ANKFN1: variants seen among roughly 807,000 people sequenced by gnomAD.
ANKFN1 encodes ankyrin repeat and fibronectin type III domain containing 1.
ANKFN1 carries 74 observed loss-of-function variants against 108.7 expected under a neutral mutation model. The ratio of observed to expected loss-of-function variants is 0.68; its 90% CI spans 0.56 to 0.83. The LOEUF (loss-of-function observed/expected upper bound fraction) is 0.83. Ranked by LOEUF, ANKFN1 falls within the 40% of genes least tolerant of loss-of-function variation. The pLI is 0.00. For synonymous variants in ANKFN1, 547 were observed against 516.2 expected (o/e 1.06, Z -0.81); for missense variants, 1,505 against 1,382.3 (o/e 1.09, Z -1.41).
intron 4 of ANKFN1, among the ~76,000 whole-genome samples, chr17:56,063,518 C>T (rs1177612707): frequency 6.6e-6 from 1 of 151,340 alleles, no homozygotes; most frequent in Non-Finnish European, 1.5e-5. Flanking sequence ...ACTCTGATAT[C>T]CTTTCTTCTG....
chr17:56,046,629 A>C (rs1385846029), intron 4 of ANKFN1, among the ~76,000 whole-genome samples: 2 of 152,160 alleles, frequency 1.3e-5, no homozygotes, highest in African/African-American at 4.8e-5. Context: ...TCCCAGGTGA[A>C]AGAACTCCCT....
At chr17:56,092,588 T>A (rs1357901650) in intron 4 of ANKFN1, among the ~76,000 whole-genome samples, 2 of 151,166 alleles carry the variant, frequency 1.3e-5, no homozygotes, top group East Asian at 3.9e-4. Flanking sequence ...GTATGTTTTT[T>A]AAGCTGTGCA....
intron 4 of ANKFN1, among the ~76,000 whole-genome samples, chr17:56,097,412 AG>A (rs1905555919): frequency 6.6e-6 from 1 of 152,144 alleles, no homozygotes; most frequent in Non-Finnish European, 1.5e-5. Context: ...GTGTCTCTGT[AG>A]TCCACACCAT....
chr17:56,293,607 C>G (rs2044426566), intron 3 of ANKFN1, among the ~76,000 whole-genome samples: 1 of 152,152 alleles, frequency 6.6e-6, no homozygotes, highest in Non-Finnish European at 1.5e-5. Flanking sequence ...GATAAGCTGT[C>G]TCACAAAAGT....
intron 15 of ANKFN1, among the ~76,000 whole-genome samples, chr17:56,467,126 G>C (rs2050101291): frequency 6.6e-6 from 1 of 151,788 alleles, no homozygotes; most frequent in African/African-American, 2.4e-5. Context: ...AAAAAGAAAA[G>C]AAAACAAACA....
chr17:56,114,590 A>G (rs1385320874), intron 4 of ANKFN1, among the ~76,000 whole-genome samples: 1 of 152,136 alleles, frequency 6.6e-6, no homozygotes, highest in African/African-American at 2.4e-5. Flanking sequence ...TAATACATAC[A>G]TTTGGAAAGC....
At chr17:56,137,365 C>T (rs1282130819) in intron 4 of ANKFN1, among the ~76,000 whole-genome samples, 1 of 152,178 alleles carries the variant, frequency 6.6e-6, no homozygotes, top group Non-Finnish European at 1.5e-5. Flanking sequence ...GGGTCAATCT[C>T]AGCAATGCTA....
chr17:56,077,742 G>T (rs1213815083), intron 4 of ANKFN1, among the ~76,000 whole-genome samples: 1 of 152,044 alleles, frequency 6.6e-6, no homozygotes, highest in African/African-American at 2.4e-5. Flanking sequence ...TGCTGGTAAT[G>T]ACAGATGTGC....
At chr17:56,395,899 C>T (rs1054870595) in intron 8 of ANKFN1, among the ~76,000 whole-genome samples, 12 of 152,150 alleles carry the variant, frequency 7.9e-5, no homozygotes, top group African/African-American at 2.9e-4. Context: ...CCTGGAACTT[C>T]TTCAGTGCAG....
At chr17:56,375,221 A>T (rs374902247) in intron 8 of ANKFN1, among the ~76,000 whole-genome samples, 1 of 152,130 alleles carries the variant, frequency 6.6e-6, no homozygotes, top group Non-Finnish European at 1.5e-5. Flanking sequence ...CCTAGGGTGG[A>T]GGTGGCATTC....
chr17:56,225,388 T>C (rs938589633), intron 2 of ANKFN1, among the ~76,000 whole-genome samples: 1 of 152,228 alleles, frequency 6.6e-6, no homozygotes, highest in African/African-American at 2.4e-5. Context: ...ATTTCAATGC[T>C]TCCCCAAATT....
At chr17:56,392,801 A>G (rs1342268162) in intron 8 of ANKFN1, among the ~76,000 whole-genome samples, 6 of 152,200 alleles carry the variant, frequency 3.9e-5, no homozygotes, top group African/African-American at 1.4e-4. Context: ...TTGTGGAATC[A>G]GGAACAGCAT....
At chr17:56,229,918 A>G (rs759080308) in intron 3 of ANKFN1, among the ~76,000 whole-genome samples, 11 of 152,112 alleles carry the variant, frequency 7.2e-5, no homozygotes, top group Non-Finnish European at 1.3e-4. Context: ...GGTCTGACCC[A>G]TGGAGTCACG....
intron 4 of ANKFN1, among the ~76,000 whole-genome samples, chr17:56,128,586 G>A (rs972498582): frequency 2.0e-5 from 3 of 152,158 alleles, no homozygotes; most frequent in African/African-American, 7.2e-5. Flanking sequence ...TGCGTCACTG[G>A]TGAGACTTTT....
intron 11 of ANKFN1, among the ~76,000 whole-genome samples, chr17:56,451,347 C>T (rs2049479633): frequency 6.6e-6 from 1 of 152,056 alleles, no homozygotes; most frequent in Non-Finnish European, 1.5e-5. Context: ...AATAAATTAC[C>T]TCATACACAC....
intron 5 of ANKFN1, among the ~76,000 whole-genome samples, chr17:56,353,532 C>A (rs1235537586): frequency 5.3e-5 from 8 of 152,150 alleles, no homozygotes; most frequent in Non-Finnish European, 4.4e-5. Context: ...CCACCATGCC[C>A]AGCCAAATGA....
At chr17:56,423,791 C>T (rs2048478857) in intron 8 of ANKFN1, among the ~76,000 whole-genome samples, 1 of 152,194 alleles carries the variant, frequency 6.6e-6, no homozygotes, top group Admixed American at 6.5e-5. Flanking sequence ...TTATAGGGAG[C>T]ATCACATTTT....
At chr17:56,464,684 C>T (rs998074530) in intron 14 of ANKFN1, among the ~76,000 whole-genome samples, 3 of 152,118 alleles carry the variant, frequency 2.0e-5, no homozygotes, top group Non-Finnish European at 2.9e-5. Flanking sequence ...AAGCCCCCAC[C>T]CTACATTGCA....
intron 3 of ANKFN1, among the ~76,000 whole-genome samples, chr17:56,263,413 T>C (rs542448546): frequency 6.6e-6 from 1 of 152,356 alleles, no homozygotes; most frequent in East Asian, 1.9e-4. Flanking sequence ...ACAAACATTT[T>C]TGACAGACCA....
Sources: allele counts gnomAD v4.1 joint callset (sites outside exome capture counted in the v4.1 genomes callset), GRCh38; gene constraint gnomAD v4.1.1; transcripts MANE v1.5; gene names NCBI Gene and HGNC (gene_info 2026-07-23, HGNC 2026-07-21).